Variants in MAF observed in about 807,000 individuals in gnomAD.
MAF encodes MAF bZIP transcription factor.
MAF carries 10 observed loss-of-function variants against 22.0 expected under a neutral mutation model. The ratio of observed to expected loss-of-function variants is 0.45; its 90% CI spans 0.28 to 0.77. The LOEUF is 0.77. MAF is among the 30% of genes least tolerant of loss of function. The pLI is 0.12. For missense variants in MAF, 544 were observed against 548.4 expected (o/e 0.99, Z 0.08); for synonymous variants, 337 against 255.8 (o/e 1.32, Z -3.03).
the MAF span, among the ~76,000 whole-genome samples, chr16:79,284,695 T>G: frequency 1.3e-5 from 2 of 152,218 alleles, no homozygotes; most frequent in African/African-American, 4.8e-5. Flanking sequence ...AGGGCTGGTG[T>G]CACAGGAAAA....
the MAF span, among the ~76,000 whole-genome samples, chr16:79,252,240 C>A: frequency 6.6e-6 from 1 of 151,620 alleles, no homozygotes; most frequent in African/African-American, 2.4e-5. Flanking sequence ...CGAAAGCAGC[C>A]ACAGACAAAT....
the MAF span, among the ~76,000 whole-genome samples, chr16:79,424,599 T>C: frequency 6.6e-6 from 1 of 152,232 alleles, no homozygotes; most frequent in African/African-American, 2.4e-5. Context: ...CATGTTTCTG[T>C]GAGCCCCTGA....
chr16:79,433,770 G>C, the MAF span, among the ~76,000 whole-genome samples: 1 of 152,078 alleles, frequency 6.6e-6, no homozygotes, highest in East Asian at 1.9e-4. Context: ...GTAGGGCTGG[G>C]ACTTAGGCTA....
At chr16:79,455,874 C>T in the MAF span, among the ~76,000 whole-genome samples, 7 of 151,932 alleles carry the variant, frequency 4.6e-5, no homozygotes, top group South Asian at 2.1e-4. Flanking sequence ...AAAAGTTAGC[C>T]GGGTGTGGAG....
the MAF span, among the ~76,000 whole-genome samples, chr16:79,380,182 C>T: frequency 6.6e-6 from 1 of 152,184 alleles, no homozygotes; most frequent in Non-Finnish European, 1.5e-5. Flanking sequence ...TTCCTATTGG[C>T]TAAATGCAAT....
chr16:79,399,307 A>T, the MAF span, among the ~76,000 whole-genome samples: 1 of 152,212 alleles, frequency 6.6e-6, no homozygotes, highest in Admixed American at 6.5e-5. Flanking sequence ...TGACAAGACA[A>T]CTATATATTA....
chr16:79,347,956 T>C, the MAF span, among the ~76,000 whole-genome samples: 192 of 152,366 alleles, frequency 1.3e-3, 2 homozygotes, highest in Non-Finnish European at 1.8e-3. Context: ...CATGTATATA[T>C]AATTTTTAAA....
chr16:79,461,794 A>G, the MAF span, among the ~76,000 whole-genome samples: 1 of 152,148 alleles, frequency 6.6e-6, no homozygotes, highest in African/African-American at 2.4e-5. Context: ...GAGGATCCCT[A>G]TGTAAGCGAG....
chr16:79,301,478 G>A, the MAF span, among the ~76,000 whole-genome samples: 1,811 of 152,272 alleles, frequency 0.012, 36 homozygotes, highest in African/African-American at 0.042. Flanking sequence ...GGAGGCCAAA[G>A]GGAGACTGTC....
chr16:79,407,704 G>C, the MAF span, among the ~76,000 whole-genome samples: 1 of 151,746 alleles, frequency 6.6e-6, no homozygotes, highest in South Asian at 2.1e-4. Context: ...TCTACTTCCA[G>C]ACATATGGCT....
chr16:79,224,910 T>G, the MAF span, among the ~76,000 whole-genome samples: 1 of 152,166 alleles, frequency 6.6e-6, no homozygotes, highest in Non-Finnish European at 1.5e-5. Flanking sequence ...GTAGGAAGAA[T>G]CAATATTGTG....
intron 1 of MAF, among the ~76,000 whole-genome samples, chr16:79,588,726 T>G (rs111704950): frequency 6.6e-6 from 1 of 151,994 alleles, no homozygotes; most frequent in Non-Finnish European, 1.5e-5. Flanking sequence ...CCTCCCACAG[T>G]GCTGGGATTA....
chr16:79,442,466 G>T, the MAF span, among the ~76,000 whole-genome samples: 59 of 152,016 alleles, frequency 3.9e-4, 1 homozygote, highest in Non-Finnish European at 1.0e-4. Context: ...CATACTCTTG[G>T]GCTCAAGCGA....
chr16:79,536,883 G>C, the MAF span, among the ~76,000 whole-genome samples: 3 of 152,186 alleles, frequency 2.0e-5, no homozygotes, highest in Admixed American at 2.0e-4. Context: ...TAAGAGACTT[G>C]ACCATTCATG....
downstream of MAF, among the ~76,000 whole-genome samples, chr16:79,585,236 T>C (rs548893147): frequency 1.3e-5 from 2 of 152,268 alleles, no homozygotes; most frequent in East Asian, 1.9e-4. Flanking sequence ...AATAGCTCAA[T>C]TCCATTATTT....
chr16:79,493,433 G>A, the MAF span, among the ~76,000 whole-genome samples: 2 of 152,246 alleles, frequency 1.3e-5, no homozygotes, highest in South Asian at 4.1e-4. Context: ...ACCCACCTCA[G>A]CATCCGAAAG....
At chr16:79,335,531 G>C in the MAF span, among the ~76,000 whole-genome samples, 2 of 152,292 alleles carry the variant, frequency 1.3e-5, no homozygotes, top group East Asian at 3.9e-4. Flanking sequence ...GGGTAGGAAC[G>C]GTGATGTTTC....
At chr16:79,366,727 G>C in the MAF span, among the ~76,000 whole-genome samples, 1 of 152,166 alleles carries the variant, frequency 6.6e-6, no homozygotes, top group Admixed American at 6.5e-5. Context: ...CATCAGTCTG[G>C]GTTCTGAAGT....
the MAF span, among the ~76,000 whole-genome samples, chr16:79,448,592 A>AT: frequency 1.3e-5 from 2 of 151,854 alleles, no homozygotes; most frequent in East Asian, 1.9e-4. Flanking sequence ...TGCCCAGTTA[A>AT]TTTTTTGTAT....
Sources: allele counts gnomAD v4.1 joint callset (sites outside exome capture counted in the v4.1 genomes callset), GRCh38; gene constraint gnomAD v4.1.1; transcripts MANE v1.5; gene names NCBI Gene and HGNC (gene_info 2026-07-23, HGNC 2026-07-21).